Variants in TSEN15 observed in about 807,000 individuals in gnomAD.
The protein encoded by TSEN15 is tRNA splicing endonuclease subunit 15.
TSEN15 carries 10 observed loss-of-function variants against 20.5 expected under a neutral mutation model. The ratio of observed to expected loss-of-function variants is 0.49; its 90% confidence interval spans 0.30 to 0.83. The LOEUF is 0.83. Among genes scored for constraint, TSEN15 ranks in the 40% least tolerant of loss-of-function variants. TSEN15 has a pLI of 0.06. For synonymous variants in TSEN15, 72 were observed against 80.1 expected (o/e 0.90, Z 0.54); for missense variants, 180 against 218.6 (o/e 0.82, Z 1.11).
chr1:184,088,419 T>C (rs1276923836), intron 3 of TSEN15, among the ~76,000 whole-genome samples: 1 of 151,962 alleles, frequency 6.6e-6, no homozygotes, highest in Non-Finnish European at 1.5e-5. Context: ...ATAAGTGGAA[T>C]TCTTTGCTGC....
At chr1:184,079,320 T>A (rs1326827855) in intron 3 of TSEN15, among the ~76,000 whole-genome samples, 13 of 152,304 alleles carry the variant, frequency 8.5e-5, no homozygotes, top group African/African-American at 2.6e-4. Context: ...AGAAGTATTT[T>A]ATTAAAGGTT....
chr1:184,064,479 C>T (rs1246225653), intron 3 of TSEN15, among the ~76,000 whole-genome samples: 1 of 151,416 alleles, frequency 6.6e-6, no homozygotes, highest in Non-Finnish European at 1.5e-5. Flanking sequence ...ATGTGTGATA[C>T]AAGAGATATG....
chr1:184,065,228 G>T (rs2102887739), intron 3 of TSEN15, among the ~76,000 whole-genome samples: 1 of 151,844 alleles, frequency 6.6e-6, no homozygotes, highest in South Asian at 2.1e-4. Context: ...ACCAATTTTA[G>T]ATTTACAGAA....
At chr1:184,092,877 C>G (rs973277183) in intron 3 of TSEN15, among the ~76,000 whole-genome samples, 1 of 152,142 alleles carries the variant, frequency 6.6e-6, no homozygotes, top group South Asian at 2.1e-4. Flanking sequence ...CTGAAAGCAC[C>G]GTTGTGTTTG....
At chr1:184,068,697 G>A (rs757236890) in intron 3 of TSEN15, among the ~76,000 whole-genome samples, 6 of 152,180 alleles carry the variant, frequency 3.9e-5, no homozygotes, top group Non-Finnish European at 8.8e-5. Flanking sequence ...TTGGGACTGA[G>A]CCTGTGGATG....
intron 3 of TSEN15, 155 bp downstream of exon 3, chr1:184,055,018 TCG>T (rs974573935): frequency 9.5e-5 from 77 of 808,950 alleles, no homozygotes; most frequent in Non-Finnish European, 1.2e-4. Context: ...AGTGTTGTAT[TCG>T]GCCATTCTTG....
At position 184,072,878 on chromosome 1, in the gene TSEN15, A is replaced by G. The variant is rs1356446608; in HGVS notation, c.*31A>G. 6.3e-7 allele frequency: 1 copy of G among 1,597,104 alleles called. No homozygotes were observed. ...ATGTTTCCTGATGCTTGTTTTATTC[A>G]TACAAGATTGGATTTGAGACCCATC... On this transcript the variant is annotated 3_prime_UTR_variant, in exon 5 of 5. Transcript: ENST00000645668.
intron 4 of TSEN15, 184 bp downstream of exon 4, chr1:184,072,482 C>T: frequency 1.7e-6 from 1 of 604,192 alleles, no homozygotes; most frequent in Non-Finnish European, 2.7e-6. Flanking sequence ...TAGCATGTTC[C>T]TAGTTATTTT....
chr1:184,065,034 A>G (rs1650595879), intron 3 of TSEN15, among the ~76,000 whole-genome samples: 1 of 152,168 alleles, frequency 6.6e-6, no homozygotes, highest in Non-Finnish European at 1.5e-5. Flanking sequence ...GCTGTGATCT[A>G]AAAAAGGCAT....
chr1:184,083,819 G>A (rs1221769213), intron 3 of TSEN15, among the ~76,000 whole-genome samples: 1 of 152,142 alleles, frequency 6.6e-6, no homozygotes, highest in Admixed American at 6.5e-5. Context: ...GATACTATCT[G>A]TGATCCCCTC....
At chr1:184,089,833 C>T (rs1296494969) in intron 3 of TSEN15, among the ~76,000 whole-genome samples, 2 of 152,096 alleles carry the variant, frequency 1.3e-5, no homozygotes, top group Non-Finnish European at 2.9e-5. Context: ...TTATTGAGCT[C>T]TAGGTCAGGT....
At chr1:184,055,015 T>A (rs1428740397) in intron 3 of TSEN15, 152 bp downstream of exon 3, 1 of 814,356 alleles carries the variant, frequency 1.2e-6, no homozygotes, top group East Asian at 2.7e-5. Flanking sequence ...ATGAGTGTTG[T>A]ATTCGGCCAT....
chr1:184,082,895 A>T (rs999307790), intron 3 of TSEN15, among the ~76,000 whole-genome samples: 11 of 152,160 alleles, frequency 7.2e-5, no homozygotes, highest in African/African-American at 2.7e-4. Flanking sequence ...CCTGTATGGG[A>T]AAAAGTTCAC....
At chr1:184,056,393 G>A (rs1207903209) in intron 3 of TSEN15, among the ~76,000 whole-genome samples, 3 of 151,866 alleles carry the variant, frequency 2.0e-5, no homozygotes, top group Non-Finnish European at 4.4e-5. Context: ...TCTTTTGCCT[G>A]TTGGGTTGTT....
intron 3 of TSEN15, among the ~76,000 whole-genome samples, chr1:184,064,807 A>C (rs1372500146): frequency 6.6e-6 from 1 of 152,210 alleles, no homozygotes; most frequent in Non-Finnish European, 1.5e-5. Flanking sequence ...TTTAGCTATT[A>C]ATGCAAGAAC....
intron 3 of TSEN15, among the ~76,000 whole-genome samples, chr1:184,086,135 A>G (rs935312037): frequency 1.3e-5 from 2 of 152,168 alleles, no homozygotes; most frequent in Non-Finnish European, 2.9e-5. Flanking sequence ...TTTTATATTC[A>G]GAAAAAAACA....
At chr1:184,096,333 C>T (rs1651448541) in exon 4 of TSEN15, 1 of 152,186 alleles carries the variant, frequency 6.6e-6, no homozygotes, top group Non-Finnish European at 1.5e-5. Context: ...CTGAGGGGCA[C>T]TAATAAAATC....
downstream of TSEN15, among the ~76,000 whole-genome samples, chr1:184,075,860 C>G (rs1007669507): frequency 6.7e-6 from 1 of 150,146 alleles, no homozygotes; most frequent in Non-Finnish European, 1.5e-5. Flanking sequence ...GAAATAAAAG[C>G]CTGTTTAGGG....
intron 3 of TSEN15, among the ~76,000 whole-genome samples, chr1:184,081,080 C>T (rs1357834757): frequency 6.6e-6 from 1 of 152,146 alleles, no homozygotes; most frequent in Non-Finnish European, 1.5e-5. Context: ...TGTTTATTCT[C>T]AATTTCTATA....
Sources: gnomAD v4.1 joint callset for allele counts (sites outside exome capture counted in the v4.1 genomes callset) on GRCh38, gnomAD v4.1.1 for gene constraint, MANE v1.5 for transcripts, NCBI Gene and HGNC (gene_info 2026-07-23, HGNC 2026-07-21) for gene names.